The following PDE11A variants were observed in gnomAD, a reference collection of about 807,000 sequenced individuals.
PDE11A encodes the protein phosphodiesterase 11A, also known as dual 3',5'-cyclic-AMP and -GMP phosphodiesterase 11A.
PDE11A carries 100 observed loss-of-function variants against 100.5 expected under a neutral mutation model. The observed-to-expected ratio is 1.00, with a 90% CI of 0.85 to 1.18. The LOEUF (loss-of-function observed/expected upper bound fraction) is 1.18, where lower values mean the gene tolerates loss of function less well. Among genes scored for constraint, PDE11A ranks in the 50% most tolerant of loss-of-function variants. The probability of loss-of-function intolerance (pLI) is 0.00; values close to 1 mark genes in which losing one functional copy is unlikely to be tolerated. For missense variants in PDE11A, 1,141 were observed against 1,152.6 expected (o/e 0.99, Z 0.15); for synonymous variants, 381 against 420.8 (o/e 0.91, Z 1.16).
intron 1 of PDE11A, among the ~76,000 whole-genome samples, chr2:178,049,265 A>T (rs1307417614): frequency 6.6e-6 from 1 of 152,230 alleles, no homozygotes; most frequent in Non-Finnish European, 1.5e-5. Flanking sequence ...TTTTACAAGT[A>T]ACTCAAAAGA....
chr2:177,652,839 C>T (rs1030734490), intron 19 of PDE11A, among the ~76,000 whole-genome samples: 7 of 152,130 alleles, frequency 4.6e-5, no homozygotes, highest in African/African-American at 1.7e-4. Flanking sequence ...TCTTTTGTTT[C>T]CTGCCTTTAC....
At chr2:177,839,561 A>G (rs2083455483) in intron 6 of PDE11A, among the ~76,000 whole-genome samples, 1 of 152,178 alleles carries the variant, frequency 6.6e-6, no homozygotes, top group Admixed American at 6.5e-5. Flanking sequence ...CTTCAGCCAC[A>G]TTAGATCATC....
chr2:177,818,771 T>C (rs2083086241), intron 7 of PDE11A, among the ~76,000 whole-genome samples: 1 of 152,062 alleles, frequency 6.6e-6, no homozygotes. Flanking sequence ...ACCAGATGTT[T>C]TAGGGCATGA....
intron 4 of PDE11A, among the ~76,000 whole-genome samples, chr2:177,879,443 T>A (rs1400616490): frequency 1.3e-5 from 2 of 152,212 alleles, no homozygotes; most frequent in East Asian, 3.8e-4. Flanking sequence ...ATACAACAAA[T>A]ACGTACCGTC....
chr2:177,827,403 G>GC (rs1255321090), intron 6 of PDE11A, among the ~76,000 whole-genome samples: 12 of 152,326 alleles, frequency 7.9e-5, no homozygotes, highest in African/African-American at 2.9e-4. Context: ...ATCCATCCAT[G>GC]CATAAGGCCT....
chr2:177,884,174 G>C (rs2084390217), intron 4 of PDE11A, among the ~76,000 whole-genome samples: 1 of 152,146 alleles, frequency 6.6e-6, no homozygotes, highest in African/African-American at 2.4e-5. Flanking sequence ...CTTTACCTGA[G>C]CTCTGTGCTC....
chr2:177,768,883 A>G (rs2082273252), intron 10 of PDE11A, among the ~76,000 whole-genome samples: 1 of 152,222 alleles, frequency 6.6e-6, no homozygotes, highest in South Asian at 2.1e-4. Context: ...GAATTAATGC[A>G]GGTAAAACGC....
chr2:178,102,154 T>C (rs150159884), intron 2 of PDE11A, among the ~76,000 whole-genome samples: 8,990 of 151,606 alleles, frequency 0.059, 331 homozygotes, highest in East Asian at 0.13. Flanking sequence ...TGAGACAAAG[T>C]CTTGCTCTGT....
chr2:177,912,624 C>G (rs2084899095), intron 2 of PDE11A, among the ~76,000 whole-genome samples: 2 of 152,020 alleles, frequency 1.3e-5, no homozygotes. Flanking sequence ...CAGGGAAAAC[C>G]CTGAAGGAAT....
intron 1 of PDE11A, among the ~76,000 whole-genome samples, chr2:178,067,355 G>A (rs1268723772): frequency 6.6e-6 from 1 of 152,110 alleles, no homozygotes; most frequent in Non-Finnish European, 1.5e-5. Flanking sequence ...TCTTTAGCTA[G>A]GTGTTCAAAG....
chr2:177,636,936 G>A (rs1462740914), intron 19 of PDE11A, among the ~76,000 whole-genome samples: 1 of 152,140 alleles, frequency 6.6e-6, no homozygotes, highest in Non-Finnish European at 1.5e-5. Flanking sequence ...ATAGAAGGAG[G>A]AATAAAAGTA....
chr2:177,945,515 CGT>C (rs1293530041), intron 2 of PDE11A, among the ~76,000 whole-genome samples: 1 of 148,700 alleles, frequency 6.7e-6, no homozygotes, highest in African/African-American at 2.5e-5. Context: ...GCCGAGACCC[CGT>C]CTGGGAGGTG....
At chr2:178,096,164 C>CTTTTTTTTTTTTTTTTTTTTTT (rs1257178630) in intron 2 of PDE11A, among the ~76,000 whole-genome samples, 111 of 110,264 alleles carry the variant, frequency 1.0e-3, no homozygotes, top group African/African-American at 1.4e-3. Flanking sequence ...TTTTTCTTTT[C>CTTTTTTTTTTTTTTTTTTTTTT]TTTTCTTTTT....
rs189133391 is a variant in PDE11A, at chr2:177,771,173, A to T, written c.1738-1800T>A. Among the ~76,000 whole-genome samples the T allele has an allele frequency of 7.0e-4, 107 of 152,346 alleles. 2 individuals are homozygous for T. The highest frequency in any genetic ancestry group is 2.3e-3 in the African/African-American group (95 of 41,580). On this transcript the variant is annotated intron_variant, in intron 9 of 19. Coordinates refer to ENST00000286063, the MANE Select transcript of PDE11A (RefSeq NM_016953.4). ...AATCTCAAACAAATAAGTCTGGGAA[A>T]TGCTAACTCCTTCTTCACCTACAAA...
At chr2:177,891,012 A>C (rs116128673) in intron 4 of PDE11A, among the ~76,000 whole-genome samples, 2,836 of 152,232 alleles carry the variant, frequency 0.019, 52 homozygotes, top group South Asian at 0.046. Flanking sequence ...ATAAACTTCT[A>C]TTGATATTTG....
chr2:177,735,918 T>C (rs972341170), intron 10 of PDE11A, among the ~76,000 whole-genome samples: 1 of 152,226 alleles, frequency 6.6e-6, no homozygotes, highest in Non-Finnish European at 1.5e-5. Context: ...CCTTTGAAGC[T>C]CTGGTCCCAA....
chr2:177,894,674 T>C (rs898938766), intron 4 of PDE11A, among the ~76,000 whole-genome samples: 2 of 152,124 alleles, frequency 1.3e-5, no homozygotes, highest in African/African-American at 4.8e-5. Flanking sequence ...GGCAATAATA[T>C]ACCAAATTAT....
chr2:177,686,904 A>T (rs1056524962), intron 15 of PDE11A: 2 of 151,592 alleles, frequency 1.3e-5, no homozygotes, highest in African/African-American at 2.4e-5. Flanking sequence ...TTTAGTAGAG[A>T]TGGTGTTTTG....
intron 1 of PDE11A, among the ~76,000 whole-genome samples, chr2:178,054,224 C>T (rs1010026903): frequency 1.3e-5 from 2 of 152,116 alleles, no homozygotes; most frequent in Non-Finnish European, 2.9e-5. Context: ...CTTTGACAAG[C>T]CTGACAAAAA....
Sources: allele counts gnomAD v4.1 joint callset (sites outside exome capture counted in the v4.1 genomes callset), GRCh38; gene constraint gnomAD v4.1.1; transcripts MANE v1.5; gene names NCBI Gene and HGNC (gene_info 2026-07-23, HGNC 2026-07-21).